Variants in MCCC1 observed in about 807,000 individuals in gnomAD.
The protein encoded by MCCC1 is methylcrotonoyl-CoA carboxylase subunit alpha, mitochondrial.
In MCCC1, 64 loss-of-function variants were observed where a neutral mutation model predicts 83.8. The ratio of observed to expected loss-of-function variants is 0.76; its 90% CI spans 0.62 to 0.94. The LOEUF (loss-of-function observed/expected upper bound fraction) is 0.94. MCCC1 is among the 40% of genes least tolerant of loss of function. The probability of loss-of-function intolerance (pLI) is 0.00; values close to 1 mark genes in which losing one functional copy is unlikely to be tolerated. For missense variants in MCCC1, 807 were observed against 904.7 expected (o/e 0.89, Z 1.39); for synonymous variants, 322 against 315.4 (o/e 1.02, Z -0.22).
chr3:183,044,197 A>C (rs755908564), intron 10 of MCCC1, among the ~76,000 whole-genome samples: 1 of 152,236 alleles, frequency 6.6e-6, no homozygotes, highest in Non-Finnish European at 1.5e-5. Flanking sequence ...GGAACCACGA[A>C]TCCTACATAT....
At chr3:183,092,277 A>G in intron 3 of MCCC1, 132 bp downstream of exon 3, 2 of 1,038,896 alleles carry the variant, frequency 1.9e-6, no homozygotes, top group Non-Finnish European at 2.9e-6. Context: ...AAGAATTAGC[A>G]GTGAGCAGTT....
At position 183,072,374 on chromosome 3, in the gene MCCC1, AC is replaced by A. The variant is rs1297640825; in HGVS notation, c.482del (p.Gly161ValfsTer2). ...AAGATATAAACTCATACCTCTTTAT[AC>A]CCATGTCTCTAATTGCAGATGGAGG... ...GPPPSAIRDMGIKSTSKSIMA... is the reference protein window; with the variant it reads ...GPPPSAIRDMXIKSTSKSIMA... On this transcript the variant is annotated frameshift_variant, in exon 5 of 19. Transcript: ENST00000265594. LOFTEE classifies it high-confidence loss of function. 1 of 1,613,796 alleles carries A rather than the reference AC, an allele frequency of 6.2e-7. No individual in the cohort carries two copies. The highest frequency in any genetic ancestry group is 1.1e-5 in the South Asian group (1 of 91,076).
chr3:183,072,253 C>T, intron 5 of MCCC1, 113 bp downstream of exon 5: 2 of 1,261,014 alleles, frequency 1.6e-6, no homozygotes, highest in Non-Finnish European at 2.3e-6. Flanking sequence ...CTCAAGCTAT[C>T]CTCCTGCCTC....
In MCCC1 at chr3:183,057,308, T is replaced by C; in HGVS notation, c.873+3A>G. On this transcript the variant is annotated splice_donor_region_variant and intron_variant, in intron 8 of 18. Coordinates refer to ENST00000265594, the MANE Select transcript of MCCC1 (RefSeq NM_020166.5). Reference sequence around the variant, plus strand: ...CTTACAAATTTCTTTCCAAGGTCCTTACCGCTGGGGCCTCCTCAATGATCT... The same window carrying C: ...CTTACAAATTTCTTTCCAAGGTCCTCACCGCTGGGGCCTCCTCAATGATCT... 1 of 1,595,374 alleles carries C rather than the reference T, an allele frequency of 6.3e-7. No homozygotes were observed. Among genetic ancestry groups the C allele is most frequent in the African/African-American group, 1.3e-5 (1 of 74,760 alleles).
chr3:183,034,294 C>CA lies in MCCC1; in HGVS notation c.1595-218dup, dbSNP rs1225208553. On this transcript the variant is annotated intron_variant, in intron 13 of 18. Transcript: ENST00000265594. ...TGAAACCCCGTCTCTACTAAAAATA[C>CA]AAAAAAATTAGCTGGGCATGGTGAC... is the stretch of plus-strand genomic sequence containing the variant. 2.6e-5 allele frequency among the ~76,000 whole-genome samples: 4 copies of CA among 151,698 alleles called. No individual in the cohort carries two copies. The East Asian group carries it at 7.8e-4, about 29-fold the overall frequency.
At chr3:183,092,940 T>A (rs572651852) in intron 2 of MCCC1, among the ~76,000 whole-genome samples, 1 of 152,268 alleles carries the variant, frequency 6.6e-6, no homozygotes, top group East Asian at 1.9e-4. Context: ...GTCCCCCAGG[T>A]TGGAGTGCAA....
chr3:183,034,692 C>G (rs562563705), intron 13 of MCCC1, among the ~76,000 whole-genome samples: 3 of 152,132 alleles, frequency 2.0e-5, no homozygotes, highest in African/African-American at 7.2e-5. Context: ...TCCAGGTCAC[C>G]AGTCTCTACT....
intron 1 of MCCC1, among the ~76,000 whole-genome samples, chr3:183,096,564 C>T (rs1250636608): frequency 8.5e-5 from 13 of 152,076 alleles, no homozygotes; most frequent in African/African-American, 3.1e-4. Context: ...TGTAGTTGAG[C>T]AGGACTAGTA....
upstream of MCCC1, among the ~76,000 whole-genome samples, chr3:183,101,907 C>T (rs1577382064): frequency 6.6e-6 from 1 of 152,102 alleles, no homozygotes; most frequent in Non-Finnish European, 1.5e-5. Context: ...AGCTGTAACA[C>T]TCACCGCGAA....
Position 183,087,316 on chromosome 3 carries a change from A to G in MCCC1, c.274-528T>C, listed in dbSNP as rs140292618. On this transcript the variant is annotated intron_variant, in intron 3 of 18. Transcript: ENST00000265594. ...CCTTGAAGTAGACCATTTAGAGCAC[A>G]TCATTCATTCATTCCAAGACTTACT... 1.2e-4 allele frequency among the ~76,000 whole-genome samples: 19 copies of G among 152,326 alleles called. No homozygotes were observed. In the East Asian group the frequency reaches 3.5e-3, roughly 28 times the overall value.
At chr3:183,069,098 G>A (rs950423752) in intron 7 of MCCC1, among the ~76,000 whole-genome samples, 3 of 152,126 alleles carry the variant, frequency 2.0e-5, no homozygotes, top group South Asian at 2.1e-4. Flanking sequence ...AATTTGTAAT[G>A]TATTCATATT....
At chr3:183,042,524 C>T (rs1484491228) in intron 10 of MCCC1, among the ~76,000 whole-genome samples, 1 of 152,138 alleles carries the variant, frequency 6.6e-6, no homozygotes, top group Non-Finnish European at 1.5e-5. Flanking sequence ...AATCTAGACT[C>T]TAAGTAACTT....
intron 4 of MCCC1, among the ~76,000 whole-genome samples, chr3:183,084,571 C>A (rs1427340021): frequency 6.6e-6 from 1 of 152,162 alleles, no homozygotes; most frequent in Non-Finnish European, 1.5e-5. Context: ...AGTTTAAGAA[C>A]ACTATTCTAA....
intron 11 of MCCC1, among the ~76,000 whole-genome samples, chr3:183,040,641 T>G (rs1553854706): frequency 1.3e-5 from 2 of 151,772 alleles, no homozygotes; most frequent in Non-Finnish European, 2.9e-5. Flanking sequence ...GAGAACTGCT[T>G]AAGTCAGGGA....
Position 183,015,479 on chromosome 3 carries a change from C to T in MCCC1, c.2137G>A (p.Glu713Lys), listed in dbSNP as rs1432355030. The T allele has an allele frequency of 2.8e-5, 45 of 1,614,024 alleles. No homozygotes were observed. Among genetic ancestry groups the T allele is most frequent in the Non-Finnish European group, 3.2e-5 (38 of 1,180,026 alleles). ...TTGTCTGATTCTTCCTCCTCAAACT[C>T]GACTAAAGGAGTGTGTCTGTTGGCC... ...AQANRHTPLV[E>K]FEEEESDKRE... is the part of the protein sequence containing the mutation. Residue 713 changes from glutamate (E) to lysine (K), a missense_variant, in exon 19 of 19, where the codon GAG becomes AAG. Glu to Lys is a moderately conservative substitution (Grantham distance 56). Coordinates refer to ENST00000265594, the MANE Select transcript of MCCC1 (RefSeq NM_020166.5).
In MCCC1 at chr3:183,019,133, A is replaced by C. The variant is rs550245692; in HGVS notation, c.1977+997T>G. Among the ~76,000 whole-genome samples the C allele has an allele frequency of 2.6e-5, 4 of 152,312 alleles. No individual in the cohort carries two copies. In the East Asian group the frequency reaches 7.7e-4, roughly 29 times the overall value. ...GAGAATAGTGGCTGAAATCACCCACACTATTTAAGTAGTTATTTTCTTCTT... is the reference window on the plus strand; with the variant it reads ...GAGAATAGTGGCTGAAATCACCCACCCTATTTAAGTAGTTATTTTCTTCTT... On this transcript the variant is annotated intron_variant, in intron 17 of 18. Coordinates refer to ENST00000265594, the MANE Select transcript of MCCC1 (RefSeq NM_020166.5).
At chr3:183,114,149 GTC>G (rs1198739841) in intron 1 of MCCC1, among the ~76,000 whole-genome samples, 1 of 152,152 alleles carries the variant, frequency 6.6e-6, no homozygotes, top group African/African-American at 2.4e-5. Context: ...CCAAGAATTC[GTC>G]TGATTGATAA....
chr3:183,051,735 T>C (rs1714994421), intron 9 of MCCC1, among the ~76,000 whole-genome samples: 1 of 142,902 alleles, frequency 7.0e-6, no homozygotes, highest in Non-Finnish European at 1.5e-5. Context: ...GGTGCAGGAA[T>C]ATTGATACTG....
At chr3:183,099,564 A>C, upstream of MCCC1, 1 of 1,146,656 alleles carries the variant, frequency 8.7e-7, no homozygotes, top group Non-Finnish European at 1.3e-6. Context: ...GCCTGAGCCT[A>C]CCTTTGGGCT....
Sources: gnomAD v4.1 joint callset for allele counts (sites outside exome capture counted in the v4.1 genomes callset) on GRCh38, gnomAD v4.1.1 for gene constraint, MANE v1.5 for transcripts, NCBI Gene and HGNC (gene_info 2026-07-23, HGNC 2026-07-21) for gene names.